SPAG16: variants seen among roughly 807,000 people sequenced by gnomAD.
SPAG16 encodes sperm associated antigen 16.
Under a neutral mutation model 80.4 loss-of-function variants are expected in SPAG16, and 86 were observed. The ratio of observed to expected loss-of-function variants is 1.07; its 90% confidence interval spans 0.90 to 1.28. SPAG16 has a LOEUF of 1.28. SPAG16 is among the 50% of genes most tolerant of loss of function. SPAG16 has a pLI of 0.00. For missense variants in SPAG16, 870 were observed against 765.3 expected, an observed-to-expected ratio of 1.14 and a Z score of -1.61; for synonymous variants, 294 against 265.9, an observed-to-expected ratio of 1.11 and a Z score of -1.03.
intron 10 of SPAG16, among the ~76,000 whole-genome samples, chr2:213,776,173 G>T (rs2069563339): frequency 1.3e-5 from 2 of 152,222 alleles, no homozygotes; most frequent in South Asian, 4.1e-4. Context: ...CAGTGATTAA[G>T]TTAGAGCCCT....
intron 12 of SPAG16, among the ~76,000 whole-genome samples, chr2:213,977,535 G>T (rs2045478590): frequency 6.6e-6 from 1 of 151,944 alleles, no homozygotes; most frequent in African/African-American, 2.4e-5. Context: ...GGAGACATAG[G>T]TCCACAGCAA....
chr2:213,660,244 A>G (rs1425541297), intron 10 of SPAG16, among the ~76,000 whole-genome samples: 1 of 152,126 alleles, frequency 6.6e-6, no homozygotes, highest in Non-Finnish European at 1.5e-5. Flanking sequence ...TTAGAACATT[A>G]CACAACAGAG....
intron 10 of SPAG16, among the ~76,000 whole-genome samples, chr2:213,562,985 C>G (rs902162546): frequency 6.6e-6 from 1 of 152,200 alleles, no homozygotes; most frequent in Non-Finnish European, 1.5e-5. Context: ...AACACCATCA[C>G]GCTGGGCGTT....
At chr2:214,064,203 T>C (rs780022825) in intron 13 of SPAG16, among the ~76,000 whole-genome samples, 5 of 152,154 alleles carry the variant, frequency 3.3e-5, no homozygotes, top group Non-Finnish European at 7.4e-5. Context: ...AAGCATAATA[T>C]CTAGTTGCTA....
At chr2:213,813,426 G>A (rs998201341) in intron 10 of SPAG16, among the ~76,000 whole-genome samples, 2 of 152,126 alleles carry the variant, frequency 1.3e-5, no homozygotes, top group Non-Finnish European at 2.9e-5. Context: ...TTTCCACCAT[G>A]TGCTCAAAAG....
At chr2:213,951,277 A>G (rs72950719) in intron 12 of SPAG16, among the ~76,000 whole-genome samples, 2 of 152,324 alleles carry the variant, frequency 1.3e-5, no homozygotes, top group Non-Finnish European at 2.9e-5. Flanking sequence ...AGCTTGTAGC[A>G]TTTAAAATTT....
intron 12 of SPAG16, among the ~76,000 whole-genome samples, chr2:213,945,576 T>A (rs1300619044): frequency 6.6e-6 from 1 of 152,138 alleles, no homozygotes; most frequent in Non-Finnish European, 1.5e-5. Context: ...GGCAGTTGAT[T>A]AGATGGTGCT....
At chr2:214,013,272 G>A (rs1252318209) in intron 12 of SPAG16, among the ~76,000 whole-genome samples, 2 of 150,888 alleles carry the variant, frequency 1.3e-5, no homozygotes, top group African/African-American at 4.9e-5. Context: ...TATCTGTGGT[G>A]TAGAGAGATC....
Position 214,014,005 on chromosome 2 carries a change from G to GT in SPAG16, c.1461dup (p.Pro488SerfsTer26), listed in dbSNP as rs773762718. The GT allele has an allele frequency of 2.5e-6, 4 of 1,613,576 alleles. No individual in the cohort carries two copies. The highest frequency in any genetic ancestry group is 3.4e-6 in the Non-Finnish European group (4 of 1,179,762). ...ATACAGATTCTGTGAACAGCATTGAGTTTTTTCCTTTCTCCAATACTCTTC... is the reference window on the plus strand; with the variant it reads ...ATACAGATTCTGTGAACAGCATTGAGTTTTTTTCCTTTCTCCAATACTCTTC... On this transcript the variant is annotated frameshift_variant, in exon 13 of 16. Transcript: ENST00000331683. LOFTEE classifies it high-confidence loss of function.
intron 10 of SPAG16, among the ~76,000 whole-genome samples, chr2:213,537,168 G>T (rs1164973292): frequency 2.6e-5 from 3 of 113,244 alleles, no homozygotes; most frequent in Non-Finnish European, 3.5e-5. Flanking sequence ...GTTGCGGGGT[G>T]GGGGGAGGGG....
chr2:214,282,511 T>C (rs1330968809), intron 15 of SPAG16, among the ~76,000 whole-genome samples: 1 of 152,170 alleles, frequency 6.6e-6, no homozygotes, highest in Non-Finnish European at 1.5e-5. Context: ...CAGAGGAAGC[T>C]TTATCTGGGA....
intron 10 of SPAG16, among the ~76,000 whole-genome samples, chr2:213,650,698 TTCTCA>T (rs2062988876): frequency 6.6e-6 from 1 of 152,192 alleles, no homozygotes; most frequent in Non-Finnish European, 1.5e-5. Flanking sequence ...CCATTCCATT[TTCTCA>T]GCAGTGGTCA....
intron 9 of SPAG16, among the ~76,000 whole-genome samples, chr2:213,379,712 A>G (rs1467307899): frequency 6.6e-6 from 1 of 152,138 alleles, no homozygotes; most frequent in Non-Finnish European, 1.5e-5. Context: ...GATCACCCCA[A>G]GGAATGGTGC....
At chr2:213,773,127 A>G (rs2069357725) in intron 10 of SPAG16, among the ~76,000 whole-genome samples, 1 of 151,428 alleles carries the variant, frequency 6.6e-6, no homozygotes, top group Admixed American at 6.6e-5. Flanking sequence ...TCCCTTTTAG[A>G]GTTCTTTTTA....
chr2:214,289,546 A>G (rs985249861), intron 15 of SPAG16, among the ~76,000 whole-genome samples: 10 of 152,158 alleles, frequency 6.6e-5, no homozygotes, highest in Non-Finnish European at 1.5e-5. Flanking sequence ...CAATAAATAT[A>G]TGGATTTACT....
chr2:214,181,000 A>G (rs2057293621), intron 15 of SPAG16, among the ~76,000 whole-genome samples: 2 of 151,880 alleles, frequency 1.3e-5, no homozygotes, highest in East Asian at 3.9e-4. Context: ...CAGTTTTATT[A>G]AAGATAGTTA....
At chr2:214,259,419 A>G (rs1443090019) in intron 15 of SPAG16, among the ~76,000 whole-genome samples, 1 of 147,692 alleles carries the variant, frequency 6.8e-6, no homozygotes, top group African/African-American at 2.5e-5. Flanking sequence ...ATATGTATAT[A>G]TGTGTGTGTA....
At position 214,011,485 on chromosome 2, in the gene SPAG16, T is replaced by G. The variant is rs555683440; in HGVS notation, c.1401-2466T>G. Among the ~76,000 whole-genome samples the G allele has an allele frequency of 4.3e-4, 66 of 152,120 alleles. 7 individuals are homozygous for G. Among genetic ancestry groups the G allele is most frequent in the Non-Finnish European group, 8.4e-4 (57 of 68,024 alleles). ...CAAAGGGCTATGAATTAAATATTTT[T>G]GATTTGTGGACCATATTATCTCTGT... On this transcript the variant is annotated intron_variant, in intron 12 of 15. Transcript: ENST00000331683.
At chr2:214,017,906 A>T (rs938471643) in intron 13 of SPAG16, among the ~76,000 whole-genome samples, 8 of 152,162 alleles carry the variant, frequency 5.3e-5, no homozygotes, top group African/African-American at 1.9e-4. Flanking sequence ...TAATACTAGA[A>T]AAAAGGCTCT....
Sources: gnomAD v4.1 joint callset for allele counts (sites outside exome capture counted in the v4.1 genomes callset) on GRCh38, gnomAD v4.1.1 for gene constraint, MANE v1.5 for transcripts, NCBI Gene and HGNC (gene_info 2026-07-23, HGNC 2026-07-21) for gene names.